Variants in ARHGAP15 observed in about 807,000 individuals in gnomAD.
The protein encoded by ARHGAP15 is rho GTPase-activating protein 15.
ARHGAP15 carries 51 observed loss-of-function variants against 63.7 expected under a neutral mutation model. The observed-to-expected ratio is 0.80, with a 90% CI of 0.64 to 1.01. The LOEUF (loss-of-function observed/expected upper bound fraction) is 1.01. ARHGAP15 is among the 50% of genes least tolerant of loss of function. The pLI, the probability that ARHGAP15 is intolerant of heterozygous loss-of-function variation, is 0.00. For synonymous variants in ARHGAP15, 191 were observed against 193.8 expected, an observed-to-expected ratio of 0.99 and a Z score of 0.12; for missense variants, 560 against 564.6, an observed-to-expected ratio of 0.99 and a Z score of 0.08.
chr2:143,566,979 C>T lies in ARHGAP15; in HGVS notation c.1003+10494C>T, dbSNP rs575935540. 5.2e-4 allele frequency among the ~76,000 whole-genome samples: 79 copies of T among 151,992 alleles called. 1 individual carries two copies. The highest frequency in any genetic ancestry group is 6.8e-3 in the Middle Eastern group (2 of 294). On this transcript the variant is annotated intron_variant, in intron 11 of 13. Coordinates refer to ENST00000295095, the MANE Select transcript of ARHGAP15 (RefSeq NM_018460.4). ...CAAGCTCTGCCTCCCGGGTTCATGC[C>T]ATTCTCCTGCCTCAGCCTCCCAAGT...
chr2:143,748,894 A>AT (rs1357776247), intron 13 of ARHGAP15, among the ~76,000 whole-genome samples: 1 of 152,146 alleles, frequency 6.6e-6, no homozygotes, highest in East Asian at 1.9e-4. Flanking sequence ...TTCAATAAAG[A>AT]TTTTATTTCA....
chr2:143,477,190 G>A (rs914373203), intron 8 of ARHGAP15, among the ~76,000 whole-genome samples: 9 of 147,538 alleles, frequency 6.1e-5, no homozygotes, highest in South Asian at 2.1e-4. Flanking sequence ...ACACATGCTC[G>A]CACACACACA....
At chr2:143,429,961 G>T (rs1347078179) in intron 6 of ARHGAP15, among the ~76,000 whole-genome samples, 2 of 152,064 alleles carry the variant, frequency 1.3e-5, no homozygotes, top group African/African-American at 2.4e-5. Flanking sequence ...ATATTAGCTT[G>T]ATCTTCTTGA....
At chr2:143,211,439 T>C (rs1292751694) in intron 3 of ARHGAP15, among the ~76,000 whole-genome samples, 1 of 152,092 alleles carries the variant, frequency 6.6e-6, no homozygotes, top group African/African-American at 2.4e-5. Flanking sequence ...CTGTGCTCTT[T>C]AATAGAAATC....
intron 6 of ARHGAP15, among the ~76,000 whole-genome samples, chr2:143,432,845 C>T (rs192002729): frequency 8.6e-4 from 131 of 152,082 alleles, no homozygotes; most frequent in African/African-American, 3.0e-3. Flanking sequence ...TTTCAAGAAA[C>T]ATTTGCCTAA....
At chr2:143,530,055 CTT>C (rs1320817665) in intron 10 of ARHGAP15, among the ~76,000 whole-genome samples, 1 of 152,136 alleles carries the variant, frequency 6.6e-6, no homozygotes, top group African/African-American at 2.4e-5. Flanking sequence ...ATTATCCAAG[CTT>C]TCTGTTTATC....
intron 1 of ARHGAP15, among the ~76,000 whole-genome samples, chr2:143,134,264 T>G (rs1209044766): frequency 6.6e-6 from 1 of 152,236 alleles, no homozygotes; most frequent in Non-Finnish European, 1.5e-5. Flanking sequence ...TTTTGATAGT[T>G]GTTGCCAAAC....
Position 143,309,866 on chromosome 2 carries a change from TTGTGTGTGTGTGTG to T in ARHGAP15, c.474+59282_474+59295del, listed in dbSNP as rs10562854. Among the ~76,000 whole-genome samples, 7 of 149,108 alleles carry T rather than the reference TTGTGTGTGTGTGTG, an allele frequency of 4.7e-5. No homozygotes were observed. In the East Asian group the frequency reaches 1.2e-3, roughly 26 times the overall value. On this transcript the variant is annotated intron_variant, in intron 6 of 13. Transcript: ENST00000295095. ...TTGAGAAACACAGACATATATGAACTTGTGTGTGTGTGTGTGTGTGTGTGTGTGTATACACACAT... is the reference window on the plus strand; with the variant it reads ...TTGAGAAACACAGACATATATGAACTTGTGTGTGTGTGTGTATACACACAT...
Position 143,276,513 on chromosome 2 carries a change from A to G in ARHGAP15, c.474+25913A>G, listed in dbSNP as rs78967607. On this transcript the variant is annotated intron_variant, in intron 6 of 13. Coordinates refer to ENST00000295095, the MANE Select transcript of ARHGAP15 (RefSeq NM_018460.4). ...TTTTGCTGTCTTTGTGCATTATTAG[A>G]ATTATTAATCCCATTTGTTAGACAT... Among the ~76,000 whole-genome samples, 47 of 152,234 alleles carry G rather than the reference A, an allele frequency of 3.1e-4. 3 individuals are homozygous for G. The East Asian group carries it at 9.1e-3, about 29-fold the overall frequency.
At chr2:143,477,999 G>A (rs745876109) in intron 8 of ARHGAP15, among the ~76,000 whole-genome samples, 2 of 152,216 alleles carry the variant, frequency 1.3e-5, no homozygotes, top group Non-Finnish European at 2.9e-5. Flanking sequence ...TTGTGTGAGG[G>A]CAGGGGTAAA....
At chr2:143,201,932 G>C (rs1177644790) in intron 2 of ARHGAP15, among the ~76,000 whole-genome samples, 1 of 152,058 alleles carries the variant, frequency 6.6e-6, no homozygotes, top group Non-Finnish European at 1.5e-5. Context: ...GAAGAGAATT[G>C]GGTTTGAGAT....
At chr2:143,732,917 T>TTG (rs1685599819) in intron 13 of ARHGAP15, among the ~76,000 whole-genome samples, 1 of 149,376 alleles carries the variant, frequency 6.7e-6, no homozygotes, top group Non-Finnish European at 1.5e-5. Flanking sequence ...TGGGTTTTTT[T>TTG]TTTTTTTTTT....
intron 2 of ARHGAP15, among the ~76,000 whole-genome samples, chr2:143,191,312 C>G (rs921292489): frequency 1.3e-5 from 2 of 152,132 alleles, no homozygotes; most frequent in Non-Finnish European, 2.9e-5. Flanking sequence ...GGAAGTCCAC[C>G]TGGAAAAGGC....
chr2:143,324,156 C>T (rs1235423388), intron 6 of ARHGAP15, among the ~76,000 whole-genome samples: 2 of 152,016 alleles, frequency 1.3e-5, no homozygotes, highest in Non-Finnish European at 2.9e-5. Context: ...TATAAATGCA[C>T]CCACATACAT....
chr2:143,519,205 T>C, intron 9 of ARHGAP15, 61 bp from the exon 10 acceptor site: 6 of 1,298,006 alleles, frequency 4.6e-6, no homozygotes, highest in Non-Finnish European at 6.7e-6. Flanking sequence ...GGAAACGGAA[T>C]CAAATTAAAG....
At chr2:143,645,553 A>T (rs939155991) in intron 12 of ARHGAP15, among the ~76,000 whole-genome samples, 1 of 152,140 alleles carries the variant, frequency 6.6e-6, no homozygotes, top group African/African-American at 2.4e-5. Flanking sequence ...ACTTTTGCTC[A>T]TATAAAGTCA....
At chr2:143,564,649 C>T (rs1231102739) in intron 11 of ARHGAP15, among the ~76,000 whole-genome samples, 6 of 152,028 alleles carry the variant, frequency 3.9e-5, no homozygotes, top group Non-Finnish European at 8.8e-5. Flanking sequence ...GGGAAATAGA[C>T]CATGAATGCC....
At chr2:143,432,038 A>G (rs1689411565) in intron 6 of ARHGAP15, among the ~76,000 whole-genome samples, 2 of 152,032 alleles carry the variant, frequency 1.3e-5, no homozygotes, top group African/African-American at 2.4e-5. Context: ...AACATTGATC[A>G]TTATTTCTGT....
intron 12 of ARHGAP15, among the ~76,000 whole-genome samples, chr2:143,691,385 C>T (rs1040604768): frequency 1.3e-5 from 2 of 152,104 alleles, no homozygotes; most frequent in South Asian, 2.1e-4. Flanking sequence ...TCTTAACGCA[C>T]GGCTAAGCAA....
Sources: gnomAD v4.1 joint callset for allele counts (sites outside exome capture counted in the v4.1 genomes callset) on GRCh38, gnomAD v4.1.1 for gene constraint, MANE v1.5 for transcripts, NCBI Gene and HGNC (gene_info 2026-07-23, HGNC 2026-07-21) for gene names.